IGFL4: variants seen among roughly 807,000 people sequenced by gnomAD.
IGFL4 encodes the protein insulin growth factor-like family member 4.
Under a neutral mutation model 15.4 loss-of-function variants are expected in IGFL4, and 12 were observed. The ratio of observed to expected loss-of-function variants is 0.78; its 90% CI spans 0.50 to 1.26. IGFL4 has a LOEUF of 1.26. Ranked by LOEUF, IGFL4 falls within the 50% of genes most tolerant of loss-of-function variation. IGFL4 has a pLI of 0.00. For missense variants in IGFL4, 126 were observed against 147.8 expected (o/e 0.85, Z 0.76); for synonymous variants, 54 against 55.9 (o/e 0.97, Z 0.16).
At chr19:46,062,364 A>C (rs4803896) in intron 1 of IGFL4, among the ~76,000 whole-genome samples, 129,749 of 152,144 alleles carry the variant, frequency 0.85, 55,782 homozygotes, top group African/African-American at 0.93. Context: ...TGAACCCAGG[A>C]CACCATTGGA....
intron 2 of IGFL4, among the ~76,000 whole-genome samples, chr19:46,047,343 T>G (rs1476510073): frequency 6.6e-6 from 1 of 152,092 alleles, no homozygotes; most frequent in Non-Finnish European, 1.5e-5. Context: ...CTAAAAGAAC[T>G]AGAGAACCAA....
upstream of IGFL4, among the ~76,000 whole-genome samples, chr19:46,043,505 T>C (rs539279858): frequency 6.6e-6 from 1 of 152,300 alleles, no homozygotes; most frequent in South Asian, 2.1e-4. Flanking sequence ...TTTTGGTTGA[T>C]GAAAAATGTT....
intron 1 of IGFL4, among the ~76,000 whole-genome samples, chr19:46,074,590 C>T (rs1283898103): frequency 1.3e-5 from 2 of 151,820 alleles, no homozygotes; most frequent in African/African-American, 2.4e-5. Context: ...ACTTGGAGTC[C>T]GATGTTTGAG....
chr19:46,074,165 A>G (rs1264743943), intron 1 of IGFL4, among the ~76,000 whole-genome samples: 2 of 151,856 alleles, frequency 1.3e-5, no homozygotes, highest in Non-Finnish European at 2.9e-5. Flanking sequence ...GGAATTGGCT[A>G]GGGGGGTCTT....
At chr19:46,067,300 T>C (rs1025663438) in intron 1 of IGFL4, among the ~76,000 whole-genome samples, 3 of 152,276 alleles carry the variant, frequency 2.0e-5, no homozygotes, top group South Asian at 2.1e-4. Context: ...GTTTTCCTCA[T>C]TGCCTCTGTG....
chr19:46,043,749 A>G (rs1969270598), upstream of IGFL4, among the ~76,000 whole-genome samples: 1 of 152,236 alleles, frequency 6.6e-6, no homozygotes, highest in African/African-American at 2.4e-5. Context: ...GAAAAAAAAA[A>G]TCTTCTACCA....
At chr19:46,063,368 T>A in intron 1 of IGFL4, among the ~76,000 whole-genome samples, 1 of 125,170 alleles carries the variant, frequency 8.0e-6, no homozygotes, top group East Asian at 2.3e-4. Context: ...CACACACACA[T>A]ACACGATCCC....
intron 1 of IGFL4, among the ~76,000 whole-genome samples, chr19:46,068,707 G>A (rs12461405): frequency 2.0e-5 from 3 of 152,122 alleles, no homozygotes; most frequent in East Asian, 3.8e-4. Context: ...CTGAGGAACC[G>A]CCGGGAAAGA....
chr19:46,054,199 G>T (rs1600673196), intron 2 of IGFL4, among the ~76,000 whole-genome samples: 1 of 152,116 alleles, frequency 6.6e-6, no homozygotes, highest in East Asian at 1.9e-4. Flanking sequence ...ATATCCTGAA[G>T]CATTTTCCCT....
At chr19:46,065,542 T>A (rs1411580642) in intron 1 of IGFL4, among the ~76,000 whole-genome samples, 1 of 152,174 alleles carries the variant, frequency 6.6e-6, no homozygotes, top group African/African-American at 2.4e-5. Context: ...CTCTTGACCT[T>A]GTGATCTGCC....
Position 46,040,727 on chromosome 19 carries a change from G to A in IGFL4, c.20-159C>T, listed in dbSNP as rs1023056619. ...AGGTCCTGGGGACTGGGCTTGGCAGGTGAGGAAAGGCAGGGAGGGCTCTGG... is the reference window on the plus strand; with the variant it reads ...AGGTCCTGGGGACTGGGCTTGGCAGATGAGGAAAGGCAGGGAGGGCTCTGG... On this transcript the variant is annotated intron_variant, in intron 1 of 3. Coordinates refer to ENST00000377697, the MANE Select transcript of IGFL4 (RefSeq NM_001002923.3). This position sits in a 1 kb window ranked among gnomAD's most constrained non-coding sequence, Gnocchi z 4.1. The A allele has an allele frequency of 1.0e-6, 1 of 973,812 alleles. No individual in the cohort carries two copies. Among genetic ancestry groups the A allele is most frequent in the Non-Finnish European group, 1.6e-6 (1 of 626,980 alleles). The allele number at this position is 973,812 out of a possible 1,614,324, so 60.3% of individuals were successfully genotyped here.
chr19:46,069,722 C>T (rs1280146951), intron 1 of IGFL4, among the ~76,000 whole-genome samples: 1 of 152,140 alleles, frequency 6.6e-6, no homozygotes, highest in Non-Finnish European at 1.5e-5. Flanking sequence ...ATATTTCAGC[C>T]TTACCCTAAA....
At chr19:46,045,358 G>A (rs139827182), upstream of IGFL4, among the ~76,000 whole-genome samples, 81 of 150,988 alleles carry the variant, frequency 5.4e-4, no homozygotes, top group East Asian at 8.4e-3. Context: ...CAGGAGAATC[G>A]CTTGAACCCG....
chr19:46,076,563 A>G (rs1600682278), intron 1 of IGFL4, among the ~76,000 whole-genome samples: 1 of 151,642 alleles, frequency 6.6e-6, no homozygotes, highest in South Asian at 2.1e-4. Context: ...TTTTAAATTT[A>G]TTCCGTGGTT....
chr19:46,039,878 T>G lies in IGFL4; in HGVS notation c.*14A>C. 1 of 1,600,092 alleles carries G rather than the reference T, an allele frequency of 6.2e-7. No individual in the cohort carries two copies. On this transcript the variant is annotated 3_prime_UTR_variant, in exon 4 of 4. Coordinates refer to ENST00000377697, the MANE Select transcript of IGFL4 (RefSeq NM_001002923.3). ...ATTCTAGAGTGATCTGTGACTCTGC[T>G]ACCCCAGAACAGTCTAGATGAGGTC...
chr19:46,072,287 C>A (rs1969553905), intron 1 of IGFL4, among the ~76,000 whole-genome samples: 2 of 152,202 alleles, frequency 1.3e-5, no homozygotes, highest in Non-Finnish European at 2.9e-5. Flanking sequence ...TATAGCACAG[C>A]AGTTCCGCAG....
upstream of IGFL4, among the ~76,000 whole-genome samples, chr19:46,044,384 A>G (rs1969277948): frequency 6.6e-6 from 1 of 152,164 alleles, no homozygotes; most frequent in African/African-American, 2.4e-5. Flanking sequence ...AGAACCAAGC[A>G]GTGTCATTCT....
At chr19:46,073,582 T>C (rs1247443186) in intron 1 of IGFL4, among the ~76,000 whole-genome samples, 1 of 152,208 alleles carries the variant, frequency 6.6e-6, no homozygotes, top group Admixed American at 6.5e-5. Flanking sequence ...CCACACCCTA[T>C]GTGGCCCAGA....
rs528966114 is a variant in IGFL4 at position 46,039,823 on chromosome 19, A to T, written c.*69T>A. On this transcript the variant is annotated 3_prime_UTR_variant, in exon 4 of 4. Transcript: ENST00000377697. Reference sequence around the variant, plus strand: ...TGAAACTCTGTCACAACAACAACAAAATCAATGCAGTATAATTACCAAGTA... The same window carrying T: ...TGAAACTCTGTCACAACAACAACAATATCAATGCAGTATAATTACCAAGTA... 1 of 1,346,140 alleles carries T rather than the reference A, an allele frequency of 7.4e-7. No homozygotes were observed. The highest frequency in any genetic ancestry group is 1.2e-5 in the South Asian group (1 of 85,768). The allele number at this position is 1,346,140 out of a possible 1,614,324, so 83.4% of individuals were successfully genotyped here.
Sources: allele counts gnomAD v4.1 joint callset (sites outside exome capture counted in the v4.1 genomes callset), GRCh38; gene constraint gnomAD v4.1.1; non-coding constraint Gnocchi (gnomAD v3.1); transcripts MANE v1.5; gene names NCBI Gene and HGNC (gene_info 2026-07-23, HGNC 2026-07-21).